PCSK2: variants seen among roughly 807,000 people sequenced by gnomAD.
PCSK2 encodes the protein proprotein convertase subtilisin/kexin type 2.
PCSK2 carries 14 observed loss-of-function variants against 69.7 expected under a neutral mutation model. The ratio of observed to expected loss-of-function variants is 0.20; its 90% CI spans 0.13 to 0.31. The LOEUF is 0.31. Among genes scored for constraint, PCSK2 ranks in the 10% least tolerant of loss-of-function variants. The probability of loss-of-function intolerance (pLI) is 1.00; values close to 1 mark genes in which losing one functional copy is unlikely to be tolerated. For synonymous variants in PCSK2, 307 were observed against 320.7 expected, an observed-to-expected ratio of 0.96 and a Z score of 0.46; for missense variants, 544 against 842.5, an observed-to-expected ratio of 0.65 and a Z score of 4.39.
intron 4 of PCSK2, among the ~76,000 whole-genome samples, chr20:17,368,238 A>G (rs1449431311): frequency 1.3e-5 from 2 of 152,184 alleles, no homozygotes; most frequent in African/African-American, 4.8e-5. Context: ...ATCCCCATAT[A>G]GTTATTAAAT....
chr20:17,390,339 C>T (rs1345904848), intron 5 of PCSK2, among the ~76,000 whole-genome samples: 1 of 152,210 alleles, frequency 6.6e-6, no homozygotes, highest in African/African-American at 2.4e-5. Flanking sequence ...GATGGTGACT[C>T]AGATTTACAT....
chr20:17,293,381 C>A (rs1271622549), intron 2 of PCSK2, among the ~76,000 whole-genome samples: 1 of 152,208 alleles, frequency 6.6e-6, no homozygotes. Flanking sequence ...TAATAGCTGT[C>A]AGTGTGGACA....
At chr20:17,230,724 T>C (rs930523683) in intron 1 of PCSK2, among the ~76,000 whole-genome samples, 1 of 152,262 alleles carries the variant, frequency 6.6e-6, no homozygotes, top group Non-Finnish European at 1.5e-5. Context: ...ACTATATCTT[T>C]ATATAGTCTC....
At chr20:17,420,179 C>G (rs1397629878) in intron 6 of PCSK2, among the ~76,000 whole-genome samples, 1 of 152,084 alleles carries the variant, frequency 6.6e-6, no homozygotes, top group East Asian at 1.9e-4. Context: ...CCCCAAGCAA[C>G]AGGCCACAAA....
chr20:17,402,922 A>C (rs1013008240), intron 5 of PCSK2, among the ~76,000 whole-genome samples: 1 of 152,018 alleles, frequency 6.6e-6, no homozygotes, highest in Non-Finnish European at 1.5e-5. Flanking sequence ...ACGCCACTGC[A>C]CTCCAGCCTG....
intron 2 of PCSK2, among the ~76,000 whole-genome samples, chr20:17,300,735 C>T (rs1215340567): frequency 1.3e-5 from 2 of 152,084 alleles, no homozygotes; most frequent in Non-Finnish European, 2.9e-5. Flanking sequence ...AGGTTTTAAA[C>T]AATAAAGTCC....
At chr20:17,384,009 C>T (rs1312886356) in intron 5 of PCSK2, among the ~76,000 whole-genome samples, 1 of 152,140 alleles carries the variant, frequency 6.6e-6, no homozygotes, top group Non-Finnish European at 1.5e-5. Context: ...GAAAATAACA[C>T]CGAACACCAA....
intron 1 of PCSK2, among the ~76,000 whole-genome samples, chr20:17,245,378 A>C (rs1178773460): frequency 1.3e-5 from 2 of 152,236 alleles, no homozygotes; most frequent in Non-Finnish European, 2.9e-5. Context: ...ACCTTGCCAA[A>C]TGCAGCATTC....
chr20:17,313,592 C>T (rs1989584247), intron 2 of PCSK2, among the ~76,000 whole-genome samples: 1 of 152,168 alleles, frequency 6.6e-6, no homozygotes, highest in Non-Finnish European at 1.5e-5. Context: ...CCTCATCAAC[C>T]TCATTCCCCA....
intron 6 of PCSK2, among the ~76,000 whole-genome samples, chr20:17,418,257 T>C (rs774170029): frequency 8.5e-5 from 13 of 152,214 alleles, no homozygotes; most frequent in Non-Finnish European, 1.8e-4. Flanking sequence ...AGAGGTTAAG[T>C]TACTTGTGCA....
intron 2 of PCSK2, among the ~76,000 whole-genome samples, chr20:17,294,851 C>T (rs943748972): frequency 2.6e-5 from 4 of 152,086 alleles, no homozygotes; most frequent in Non-Finnish European, 4.4e-5. Flanking sequence ...CCTCCATCTC[C>T]TCTGTTCTCT....
chr20:17,310,219 C>T (rs1431847534), intron 2 of PCSK2, among the ~76,000 whole-genome samples: 1 of 152,132 alleles, frequency 6.6e-6, no homozygotes, highest in Non-Finnish European at 1.5e-5. Flanking sequence ...ACACTGTCCC[C>T]CTGATAAGAC....
chr20:17,362,745 C>A (rs528340687), intron 4 of PCSK2, among the ~76,000 whole-genome samples: 2 of 152,308 alleles, frequency 1.3e-5, no homozygotes, highest in South Asian at 4.1e-4. Context: ...CAGGGCCAAT[C>A]CAGATTCAAG....
At chr20:17,313,763 G>A (rs913762414) in intron 2 of PCSK2, among the ~76,000 whole-genome samples, 1 of 152,146 alleles carries the variant, frequency 6.6e-6, no homozygotes, top group Non-Finnish European at 1.5e-5. Context: ...ATGGAAGGAC[G>A]ACATGAATGT....
chr20:17,311,023 G>T (rs1017765153), intron 2 of PCSK2, among the ~76,000 whole-genome samples: 1 of 145,248 alleles, frequency 6.9e-6, no homozygotes. Context: ...AAAAAATCAT[G>T]GAAAAAGTGA....
At chr20:17,425,015 A>G (rs2032215808) in intron 6 of PCSK2, among the ~76,000 whole-genome samples, 1 of 151,926 alleles carries the variant, frequency 6.6e-6, no homozygotes, top group African/African-American at 2.4e-5. Context: ...ATCTCAAGCA[A>G]TACGCCCACC....
At chr20:17,305,301 A>T (rs1989292287) in intron 2 of PCSK2, among the ~76,000 whole-genome samples, 1 of 152,238 alleles carries the variant, frequency 6.6e-6, no homozygotes, top group African/African-American at 2.4e-5. Flanking sequence ...AAAAGGGGAC[A>T]GGATAAGTCA....
At chr20:17,336,572 T>C (rs1260881380) in intron 2 of PCSK2, among the ~76,000 whole-genome samples, 1 of 152,156 alleles carries the variant, frequency 6.6e-6, no homozygotes, top group Non-Finnish European at 1.5e-5. Context: ...CACATAGAAA[T>C]AGATGATGTG....
At chr20:17,236,122 TAG>T (rs1448677489) in intron 1 of PCSK2, among the ~76,000 whole-genome samples, 1 of 152,096 alleles carries the variant, frequency 6.6e-6, no homozygotes, top group Non-Finnish European at 1.5e-5. Context: ...TGAATATGTA[TAG>T]AGAGAAGAGA....
Sources: gnomAD v4.1 joint callset for allele counts (sites outside exome capture counted in the v4.1 genomes callset) on GRCh38, gnomAD v4.1.1 for gene constraint, MANE v1.5 for transcripts, NCBI Gene and HGNC (gene_info 2026-07-23, HGNC 2026-07-21) for gene names.